Variants in WDR27 observed in about 807,000 individuals in gnomAD.
The protein encoded by WDR27 is WD repeat-containing protein 27.
A neutral mutation model predicts 114.4 loss-of-function variants in WDR27; 100 were observed. The observed-to-expected ratio is 0.87, with a 90% CI of 0.74 to 1.03. WDR27 has a LOEUF of 1.03. Ranked by LOEUF, WDR27 falls within the 50% of genes least tolerant of loss-of-function variation. The pLI, the probability that WDR27 is intolerant of heterozygous loss-of-function variation, is 0.00. For missense variants in WDR27, 1,129 were observed against 1,092.9 expected, an observed-to-expected ratio of 1.03 and a Z score of -0.47; for synonymous variants, 449 against 423.1, an observed-to-expected ratio of 1.06 and a Z score of -0.75.
At chr6:169,692,804 G>T (rs890080571) in intron 1 of WDR27, among the ~76,000 whole-genome samples, 2 of 152,110 alleles carry the variant, frequency 1.3e-5, no homozygotes, top group African/African-American at 2.4e-5. Context: ...TCTGAGCCCA[G>T]ATCCACCTAA....
At chr6:169,536,914 A>C (rs895068122) in intron 25 of WDR27, among the ~76,000 whole-genome samples, 5 of 152,152 alleles carry the variant, frequency 3.3e-5, no homozygotes, top group Non-Finnish European at 7.4e-5. Context: ...TCCATTTAAT[A>C]CTTCAAATAG....
At chr6:169,653,920 G>A (rs758433211) in intron 13 of WDR27, among the ~76,000 whole-genome samples, 3 of 152,244 alleles carry the variant, frequency 2.0e-5, no homozygotes, top group Non-Finnish European at 2.9e-5. Flanking sequence ...ACTGGTCCCA[G>A]GCTGCTGGCC....
At chr6:169,444,211 T>G in the WDR27 span, among the ~76,000 whole-genome samples, 1 of 152,194 alleles carries the variant, frequency 6.6e-6, no homozygotes, top group African/African-American at 2.4e-5. Context: ...TACGCGCTCC[T>G]GGCCTGGTAG....
At chr6:169,654,408 C>T (rs1343485944) in intron 13 of WDR27, among the ~76,000 whole-genome samples, 2 of 152,138 alleles carry the variant, frequency 1.3e-5, no homozygotes, top group African/African-American at 2.4e-5. Flanking sequence ...AAAATAATAG[C>T]GAAGAGATAA....
chr6:169,654,240 A>G (rs1212220885), intron 13 of WDR27, among the ~76,000 whole-genome samples: 3 of 152,234 alleles, frequency 2.0e-5, no homozygotes, highest in African/African-American at 4.8e-5. Flanking sequence ...CTCAAAATCA[A>G]TCATATACCT....
At chr6:169,608,929 C>T (rs1809872836) in intron 22 of WDR27, among the ~76,000 whole-genome samples, 1 of 152,196 alleles carries the variant, frequency 6.6e-6, no homozygotes, top group Non-Finnish European at 1.5e-5. Flanking sequence ...TGGGTAAATA[C>T]AGTCATTCCA....
At chr6:169,699,417 G>A (rs1401851382) in intron 1 of WDR27, among the ~76,000 whole-genome samples, 1 of 152,182 alleles carries the variant, frequency 6.6e-6, no homozygotes. Flanking sequence ...GGCTTGAACA[G>A]TAGACACAGG....
At chr6:169,638,340 A>AAAAAAAAAG (rs1818236956) in intron 18 of WDR27, among the ~76,000 whole-genome samples, 199 bp downstream of exon 18, 1 of 140,054 alleles carries the variant, frequency 7.1e-6, no homozygotes, top group Non-Finnish European at 1.5e-5. Context: ...AAAAAAAAAA[A>AAAAAAAAAG]AAAAAAAAAA....
intron 2 of WDR27, among the ~76,000 whole-genome samples, chr6:169,683,384 A>G (rs963536309): frequency 2.6e-5 from 4 of 152,192 alleles, no homozygotes; most frequent in African/African-American, 9.6e-5. Context: ...CCTTACAGGC[A>G]AGAAGTGAGG....
At chr6:169,572,069 A>T (rs1441352818) in intron 25 of WDR27, among the ~76,000 whole-genome samples, 1 of 152,212 alleles carries the variant, frequency 6.6e-6, no homozygotes, top group Non-Finnish European at 1.5e-5. Context: ...ATCAGAATAA[A>T]TCAAACTGGA....
At chr6:169,646,712 C>T (rs1218089422) in intron 16 of WDR27, among the ~76,000 whole-genome samples, 19 of 148,524 alleles carry the variant, frequency 1.3e-4, no homozygotes, top group Non-Finnish European at 3.0e-5. Context: ...TGTGCCACTG[C>T]ACTCCAGCCT....
chr6:169,674,703 G>A lies in WDR27; in HGVS notation c.190-2307C>T, dbSNP rs79006696. 6.6e-4 allele frequency among the ~76,000 whole-genome samples: 101 copies of A among 152,212 alleles called. 1 individual carries two copies. In the East Asian group the frequency reaches 8.9e-3, roughly 13 times the overall value. ...AAATTTTGATGAAAACCATAAACCC[G>A]TAGAACCCCAATGATAAAGTTTGGA... On this transcript the variant is annotated intron_variant, in intron 2 of 25. Coordinates refer to ENST00000448612, the MANE Select transcript of WDR27 (RefSeq NM_182552.5).
At chr6:169,687,184 C>G (rs989738899) in intron 2 of WDR27, among the ~76,000 whole-genome samples, 1 of 152,046 alleles carries the variant, frequency 6.6e-6, no homozygotes, top group African/African-American at 2.4e-5. Flanking sequence ...GAGGTGATGG[C>G]CATCCCAATT....
intron 18 of WDR27, among the ~76,000 whole-genome samples, chr6:169,637,881 C>T (rs765372518): frequency 3.3e-5 from 5 of 149,442 alleles, no homozygotes; most frequent in South Asian, 4.2e-4. Context: ...TGTAAGTGTG[C>T]GTATGTGTAT....
chr6:169,537,729 T>C (rs1298011612), intron 25 of WDR27, among the ~76,000 whole-genome samples: 3 of 152,158 alleles, frequency 2.0e-5, no homozygotes. Context: ...TCTTAGGCCA[T>C]CTGGCTGTGG....
intron 25 of WDR27, among the ~76,000 whole-genome samples, chr6:169,550,611 A>G (rs2143134): frequency 0.99 from 150,421 of 152,162 alleles, 74,355 homozygotes; most frequent in East Asian, 1. Context: ...AGTAGAGATG[A>G]GGTTTCACCA....
At chr6:169,482,460 G>A (rs1351766789) in intron 25 of WDR27, among the ~76,000 whole-genome samples, 1 of 152,120 alleles carries the variant, frequency 6.6e-6, no homozygotes, top group African/African-American at 2.4e-5. Flanking sequence ...TTGCCATTCT[G>A]ACTGGTATGA....
At chr6:169,546,349 C>T (rs1797455397) in intron 25 of WDR27, among the ~76,000 whole-genome samples, 1 of 152,194 alleles carries the variant, frequency 6.6e-6, no homozygotes, top group Non-Finnish European at 1.5e-5. Flanking sequence ...TCTGTGACAG[C>T]CACTCTGCTG....
At chr6:169,656,002 G>A (rs988368194) in intron 13 of WDR27, among the ~76,000 whole-genome samples, 3 of 152,154 alleles carry the variant, frequency 2.0e-5, no homozygotes, top group East Asian at 1.9e-4. Flanking sequence ...GATTACAGGC[G>A]TGAGCCACTG....
Sources: gnomAD v4.1 joint callset for allele counts (sites outside exome capture counted in the v4.1 genomes callset) on GRCh38, gnomAD v4.1.1 for gene constraint, MANE v1.5 for transcripts, NCBI Gene and HGNC (gene_info 2026-07-23, HGNC 2026-07-21) for gene names.